Variants in NELL2 observed in about 807,000 individuals in gnomAD.
NELL2 encodes protein kinase C-binding protein NELL2.
NELL2 carries 41 observed loss-of-function variants against 109.6 expected under a neutral mutation model. The ratio of observed to expected loss-of-function variants is 0.37; its 90% CI spans 0.29 to 0.49. NELL2 has a LOEUF of 0.49. Among genes scored for constraint, NELL2 ranks in the 20% least tolerant of loss-of-function variants. NELL2 has a pLI of 0.98. For synonymous variants in NELL2, 355 were observed against 344.7 expected, an observed-to-expected ratio of 1.03 and a Z score of -0.33; for missense variants, 900 against 1,008.3, an observed-to-expected ratio of 0.89 and a Z score of 1.45.
intron 13 of NELL2, among the ~76,000 whole-genome samples, chr12:44,631,224 A>G (rs976565764): frequency 1.4e-5 from 2 of 147,942 alleles, no homozygotes; most frequent in Non-Finnish European, 3.0e-5. Context: ...AATGAAATGT[A>G]TATATATATA....
At chr12:44,674,882 GT>G (rs1173364105) in intron 12 of NELL2, among the ~76,000 whole-genome samples, 1 of 152,192 alleles carries the variant, frequency 6.6e-6, no homozygotes, top group African/African-American at 2.4e-5. Flanking sequence ...ATTTTATTAA[GT>G]TTTTTTTAAT....
chr12:44,642,234 TC>T (rs1946887134), intron 13 of NELL2, among the ~76,000 whole-genome samples: 1 of 152,108 alleles, frequency 6.6e-6, no homozygotes, highest in African/African-American at 2.4e-5. Flanking sequence ...TGATAAGCAT[TC>T]TATCCAAACT....
chr12:44,521,085 C>T (rs1337717345), intron 18 of NELL2, among the ~76,000 whole-genome samples: 1 of 152,186 alleles, frequency 6.6e-6, no homozygotes, highest in Non-Finnish European at 1.5e-5. Flanking sequence ...TTTTCATTTA[C>T]ACCACTAGAA....
chr12:44,586,836 C>T (rs1944525844), intron 15 of NELL2, among the ~76,000 whole-genome samples: 1 of 152,164 alleles, frequency 6.6e-6, no homozygotes. Context: ...GCCCAATTTT[C>T]TTCATCACGT....
chr12:44,840,033 C>T lies in NELL2; in HGVS notation c.185-23897G>A, dbSNP rs975002797. ...CATGTGTGCTGCATTCTACCTACAC[C>T]AAACCACTCGCAAGCCTCCAAATGC... is the stretch of plus-strand genomic sequence containing the variant. On this transcript the variant is annotated intron_variant, in intron 2 of 19. Coordinates refer to ENST00000429094, the MANE Select transcript of NELL2 (RefSeq NM_001145108.2). Among the ~76,000 whole-genome samples, 5 of 152,194 alleles carry T rather than the reference C, an allele frequency of 3.3e-5. 1 individual carries two copies. The highest frequency in any genetic ancestry group is 7.3e-5 in the Non-Finnish European group (5 of 68,034).
intron 1 of NELL2, among the ~76,000 whole-genome samples, chr12:44,912,447 C>A (rs1945790235): frequency 6.6e-6 from 1 of 152,084 alleles, no homozygotes; most frequent in African/African-American, 2.4e-5. Context: ...CTAATACACA[C>A]TGAAAATCTC....
intron 2 of NELL2, among the ~76,000 whole-genome samples, chr12:44,838,100 T>G (rs978272691): frequency 3.3e-5 from 5 of 152,202 alleles, no homozygotes; most frequent in African/African-American, 1.2e-4. Context: ...AGAGTTTACC[T>G]TTCTCACTTT....
intron 13 of NELL2, among the ~76,000 whole-genome samples, chr12:44,628,092 CA>C (rs1267099770): frequency 2.0e-5 from 3 of 152,102 alleles, no homozygotes; most frequent in Middle Eastern, 6.8e-3. Flanking sequence ...ATGTGCACAG[CA>C]GTAAAACAAA....
At chr12:44,630,645 G>A (rs184525954) in intron 13 of NELL2, among the ~76,000 whole-genome samples, 3 of 152,208 alleles carry the variant, frequency 2.0e-5, no homozygotes, top group Admixed American at 6.5e-5. Context: ...AAGAAGTCCA[G>A]GGTCATGTCC....
intron 1 of NELL2, among the ~76,000 whole-genome samples, chr12:44,892,797 C>CA (rs57230571): frequency 0.18 from 10,414 of 56,982 alleles, 1,091 homozygotes; most frequent in Admixed American, 0.23. Context: ...GACTCTGTCT[C>CA]AAAAAAAAAA....
intron 9 of NELL2, among the ~76,000 whole-genome samples, chr12:44,755,214 C>T (rs1243626211): frequency 6.6e-6 from 1 of 152,106 alleles, no homozygotes; most frequent in Non-Finnish European, 1.5e-5. Context: ...AGGGTAGCTG[C>T]AAATTCTTTT....
chr12:44,651,294 G>A (rs375140401), intron 13 of NELL2, among the ~76,000 whole-genome samples: 2 of 152,160 alleles, frequency 1.3e-5, no homozygotes, highest in East Asian at 3.9e-4. Context: ...AACATAAGTA[G>A]ACTAAAAATC....
At chr12:44,539,862 G>T (rs575052915) in intron 15 of NELL2, among the ~76,000 whole-genome samples, 7 of 152,082 alleles carry the variant, frequency 4.6e-5, no homozygotes, top group Non-Finnish European at 8.8e-5. Flanking sequence ...ATGAATAGAC[G>T]AATGAATAGT....
At chr12:44,566,954 A>C (rs946228186) in intron 15 of NELL2, among the ~76,000 whole-genome samples, 1 of 151,828 alleles carries the variant, frequency 6.6e-6, no homozygotes, top group Non-Finnish European at 1.5e-5. Flanking sequence ...TGGGATTACA[A>C]ACGTGCACCA....
chr12:44,837,023 G>C (rs1002234575), intron 2 of NELL2, among the ~76,000 whole-genome samples: 2 of 152,146 alleles, frequency 1.3e-5, no homozygotes, highest in African/African-American at 4.8e-5. Context: ...TTAGGGGCCA[G>C]GCCTATTTGG....
chr12:44,510,118 A>G (rs914994461), intron 19 of NELL2, among the ~76,000 whole-genome samples: 4 of 152,118 alleles, frequency 2.6e-5, no homozygotes, highest in African/African-American at 9.7e-5. Context: ...GATTCCCTGC[A>G]CTCTTACTTT....
chr12:44,793,610 G>A (rs1388722243), intron 3 of NELL2, among the ~76,000 whole-genome samples: 1 of 152,134 alleles, frequency 6.6e-6, no homozygotes, highest in African/African-American at 2.4e-5. Flanking sequence ...CAGCCATTAA[G>A]GAGTTAAATT....
At chr12:44,791,965 A>T (rs867205044) in intron 3 of NELL2, among the ~76,000 whole-genome samples, 2 of 152,078 alleles carry the variant, frequency 1.3e-5, no homozygotes, top group Non-Finnish European at 2.9e-5. Context: ...AGACAAAAAA[A>T]AAAAGGCACT....
chr12:44,587,308 T>TATATA (rs1491354933), intron 15 of NELL2, among the ~76,000 whole-genome samples: 10 of 68,198 alleles, frequency 1.5e-4, no homozygotes, highest in African/African-American at 5.4e-4. Context: ...TATATATATA[T>TATATA]TTTTTTTTAA....
Sources: allele counts gnomAD v4.1 joint callset (sites outside exome capture counted in the v4.1 genomes callset), GRCh38; gene constraint gnomAD v4.1.1; transcripts MANE v1.5; gene names NCBI Gene and HGNC (gene_info 2026-07-23, HGNC 2026-07-21).